Variants in RPS6KC1 observed in about 807,000 individuals in gnomAD.
RPS6KC1 encodes the protein inactive ribosomal protein S6 kinase delta-1.
Under a neutral mutation model 103.8 loss-of-function variants are expected in RPS6KC1, and 54 were observed. The observed-to-expected ratio is 0.52, with a 90% CI of 0.42 to 0.65. The LOEUF is 0.65. RPS6KC1 is among the 30% of genes least tolerant of loss of function. The pLI, the probability that RPS6KC1 is intolerant of heterozygous loss-of-function variation, is 0.00. For missense variants in RPS6KC1, 1,151 were observed against 1,253.8 expected, an observed-to-expected ratio of 0.92 and a Z score of 1.24; for synonymous variants, 439 against 438.7, an observed-to-expected ratio of 1.00 and a Z score of -0.01.
chr1:213,378,712 A>G, the RPS6KC1 span, among the ~76,000 whole-genome samples: 1 of 152,210 alleles, frequency 6.6e-6, no homozygotes, highest in African/African-American at 2.4e-5. Context: ...AATAAAGGCC[A>G]GAATATTTTG....
the RPS6KC1 span, among the ~76,000 whole-genome samples, chr1:213,381,270 G>C: frequency 6.6e-6 from 1 of 152,158 alleles, no homozygotes; most frequent in Non-Finnish European, 1.5e-5. Flanking sequence ...TGAGGCTTGG[G>C]ACGAGTCCTG....
At chr1:213,361,685 T>C in the RPS6KC1 span, among the ~76,000 whole-genome samples, 72,427 of 152,186 alleles carry the variant, frequency 0.48, 20,996 homozygotes, top group African/African-American at 0.82. Context: ...ATCTTGGAAC[T>C]GCCCTGCGGT....
At chr1:213,491,806 A>G in the RPS6KC1 span, among the ~76,000 whole-genome samples, 2 of 152,200 alleles carry the variant, frequency 1.3e-5, no homozygotes, top group Non-Finnish European at 2.9e-5. Context: ...CATAAGGAAT[A>G]TCTGAGTCCC....
chr1:213,312,170 A>G, the RPS6KC1 span, among the ~76,000 whole-genome samples: 2 of 152,070 alleles, frequency 1.3e-5, no homozygotes, highest in Non-Finnish European at 2.9e-5. Flanking sequence ...TGCTGGGATT[A>G]CAGGAGTGAG....
chr1:213,076,878 T>A (rs1358203520), intron 2 of RPS6KC1, among the ~76,000 whole-genome samples: 1 of 152,126 alleles, frequency 6.6e-6, no homozygotes, highest in Non-Finnish European at 1.5e-5. Flanking sequence ...TATCCTTTTT[T>A]TTTTTTTTGA....
intron 6 of RPS6KC1, among the ~76,000 whole-genome samples, chr1:213,164,393 A>T (rs1386047575): frequency 1.3e-5 from 2 of 152,202 alleles, no homozygotes; most frequent in Non-Finnish European, 2.9e-5. Flanking sequence ...ATATCTACTC[A>T]GCTACTCCCT....
intron 12 of RPS6KC1, among the ~76,000 whole-genome samples, chr1:213,248,301 A>G (rs2094488330): frequency 6.6e-6 from 1 of 152,170 alleles, no homozygotes. Context: ...TGTTTCAGAC[A>G]GTAACTGTTT....
At chr1:213,052,942 A>G (rs2077066934) in intron 1 of RPS6KC1, among the ~76,000 whole-genome samples, 1 of 152,184 alleles carries the variant, frequency 6.6e-6, no homozygotes, top group African/African-American at 2.4e-5. Flanking sequence ...AGAAGGAGGG[A>G]TAGATGAACA....
intron 1 of RPS6KC1, among the ~76,000 whole-genome samples, chr1:213,062,810 C>G (rs938672939): frequency 6.6e-6 from 1 of 152,108 alleles, no homozygotes. Context: ...GCCTCGGCCT[C>G]CCAAGGTGCT....
At chr1:213,489,213 T>C in the RPS6KC1 span, among the ~76,000 whole-genome samples, 1 of 152,150 alleles carries the variant, frequency 6.6e-6, no homozygotes, top group Non-Finnish European at 1.5e-5. Context: ...CTGAGTACAG[T>C]TGCTTAAGGA....
chr1:213,739,854 G>A, the RPS6KC1 span, among the ~76,000 whole-genome samples: 2 of 152,110 alleles, frequency 1.3e-5, no homozygotes, highest in African/African-American at 4.8e-5. Flanking sequence ...GTGCTCTATT[G>A]TAAGATGTTT....
chr1:213,406,562 A>T, the RPS6KC1 span, among the ~76,000 whole-genome samples: 2 of 152,066 alleles, frequency 1.3e-5, no homozygotes, highest in Non-Finnish European at 2.9e-5. Context: ...TCCTTGTTTT[A>T]TCACCCCTAG....
the RPS6KC1 span, among the ~76,000 whole-genome samples, chr1:213,696,126 A>G: frequency 2.0e-5 from 3 of 152,146 alleles, no homozygotes. Context: ...GCAACAACCT[A>G]TAGTTGTTGA....
the RPS6KC1 span, among the ~76,000 whole-genome samples, chr1:213,406,353 T>G: frequency 2.6e-5 from 4 of 152,196 alleles, no homozygotes; most frequent in Admixed American, 2.6e-4. Flanking sequence ...TTTTTTCCTT[T>G]CCTTTTTTTT....
chr1:213,692,248 A>G, the RPS6KC1 span, among the ~76,000 whole-genome samples: 1 of 152,086 alleles, frequency 6.6e-6, no homozygotes. Flanking sequence ...ACTAAAAATT[A>G]GCTGGGCATG....
chr1:213,661,051 C>G, the RPS6KC1 span, among the ~76,000 whole-genome samples: 1 of 152,140 alleles, frequency 6.6e-6, no homozygotes, highest in South Asian at 2.1e-4. Flanking sequence ...ATTGTCATCT[C>G]AAGAAAATTA....
the RPS6KC1 span, among the ~76,000 whole-genome samples, chr1:213,617,227 C>T: frequency 6.6e-6 from 1 of 152,192 alleles, no homozygotes; most frequent in Non-Finnish European, 1.5e-5. Context: ...CATAATTTCC[C>T]TTCTGTGCTG....
the RPS6KC1 span, among the ~76,000 whole-genome samples, chr1:213,496,997 T>C: frequency 6.6e-6 from 1 of 152,232 alleles, no homozygotes; most frequent in South Asian, 2.1e-4. Context: ...TGTATAATGA[T>C]GAACAATAAG....
chr1:213,763,745 A>G, the RPS6KC1 span, among the ~76,000 whole-genome samples: 1 of 152,238 alleles, frequency 6.6e-6, no homozygotes, highest in African/African-American at 2.4e-5. Context: ...ATTTTCTTCC[A>G]TAGAATTACA....
Sources: gnomAD v4.1 joint callset for allele counts (sites outside exome capture counted in the v4.1 genomes callset) on GRCh38, gnomAD v4.1.1 for gene constraint, MANE v1.5 for transcripts, NCBI Gene and HGNC (gene_info 2026-07-23, HGNC 2026-07-21) for gene names.